NDUFA11: variants seen among roughly 807,000 people sequenced by gnomAD.
NDUFA11 encodes NADH:ubiquinone oxidoreductase subunit A11.
NDUFA11 carries 14 observed loss-of-function variants against 11.3 expected under a neutral mutation model. The ratio of observed to expected loss-of-function variants is 1.24; its 90% CI spans 0.82 to 1.94. The LOEUF is 1.94. NDUFA11 is among the 30% of genes most tolerant of loss of function. The pLI, the probability that NDUFA11 is intolerant of heterozygous loss-of-function variation, is 0.00. For missense variants in NDUFA11, 204 were observed against 200.3 expected (o/e 1.02, Z -0.11); for synonymous variants, 87 against 85.6 (o/e 1.02, Z -0.09).
At chr19:5,895,342 C>A (rs918018370) in intron 3 of NDUFA11, 1 of 169,152 alleles carries the variant, frequency 5.9e-6, no homozygotes, top group African/African-American at 2.4e-5. Flanking sequence ...TGTGTCCCCA[C>A]ACACCAGGAC....
chr19:5,896,926 C>G lies in NDUFA11; in HGVS notation c.169G>C (p.Gly57Arg). ...GTFLEGVAKVGQYTFTAAAVG... is the reference protein window; with the variant it reads ...GTFLEGVAKVRQYTFTAAAVG... ...TCACCTGCAGTGAACGTGTATTGTC[C>G]AACCTTAGCCACTCCTTCAAGGAAG... Residue 57 changes from glycine (G) to arginine (R), a missense_variant, in exon 2 of 4, where the codon GGA (glycine) becomes CGA (arginine). Gly to Arg is a moderately radical substitution (Grantham distance 125). Transcript: ENST00000308961. This position sits in a 1 kb window ranked among gnomAD's most constrained non-coding sequence, Gnocchi z 5.8. 1 of 1,614,002 alleles carries G rather than the reference C, an allele frequency of 6.2e-7. No individual in the cohort carries two copies. Among genetic ancestry groups the G allele is most frequent in the Non-Finnish European group, 8.5e-7 (1 of 1,180,000 alleles).
In NDUFA11 at chr19:5,899,771, A is replaced by T. The variant is rs73548350; in HGVS notation, c.98-2774T>A. 371 of 152,152 alleles carry T rather than the reference A, an allele frequency of 2.4e-3. 2 individuals carry two copies. The highest frequency in any genetic ancestry group is 8.6e-3 in the African/African-American group (355 of 41,476). 9.4% of individuals were successfully genotyped at this position (152,152 alleles called of 1,614,324 possible). A position where few individuals can be genotyped will look rare whatever the true frequency, so the allele number is the denominator to read the frequency against. Reference sequence around the variant, plus strand: ...CCTGAGCAACCATGCCCGGACTTGAAGATTCTTAATGGGAGGGGACTGCCA... The same window carrying T: ...CCTGAGCAACCATGCCCGGACTTGATGATTCTTAATGGGAGGGGACTGCCA... On this transcript the variant is annotated intron_variant, in intron 1 of 3. Transcript: ENST00000308961.
intron 1 of NDUFA11, 130 bp from the exon 2 acceptor site, chr19:5,897,127 G>C (rs558757650): frequency 2.6e-6 from 2 of 773,548 alleles, no homozygotes; most frequent in Non-Finnish European, 4.5e-6. Flanking sequence ...TAGTGTCCCC[G>C]GCTGCTGAGT....
At chr19:5,898,965 T>C (rs1364531209) in intron 1 of NDUFA11, among the ~76,000 whole-genome samples, 2 of 150,476 alleles carry the variant, frequency 1.3e-5, no homozygotes, top group East Asian at 3.9e-4. Flanking sequence ...TGCTACTGCA[T>C]CCACGGTAAG....
intron 1 of NDUFA11, among the ~76,000 whole-genome samples, chr19:5,903,048 G>A (rs1377439831): frequency 6.7e-6 from 1 of 149,390 alleles, no homozygotes; most frequent in African/African-American, 2.5e-5. Flanking sequence ...CAGGGCTTGC[G>A]GGTCCCCTTC....
In NDUFA11 at chr19:5,896,532, G is replaced by A. The variant is rs1345378776; in HGVS notation, c.234C>T (p.Ala78=). 6.4e-7 allele frequency: 1 copy of A among 1,569,632 alleles called. No individual in the cohort carries two copies. Among genetic ancestry groups the A allele is most frequent in the Non-Finnish European group, 8.6e-7 (1 of 1,157,892 alleles). ...AVFGLTTCIS[A]HVREKPDDPL... ...GGTCGTCGGGCTTCTCGCGGACATGGGCGCTGATGCAGGTGGTGAGGCCAA... is the reference window on the plus strand; with the variant it reads ...GGTCGTCGGGCTTCTCGCGGACATGAGCGCTGATGCAGGTGGTGAGGCCAA... Residue 78 remains alanine, a synonymous_variant, in exon 3 of 4, where the codon GCC becomes GCT. Coordinates refer to ENST00000308961, the MANE Select transcript of NDUFA11 (RefSeq NM_175614.5). This position sits in a 1 kb window ranked among gnomAD's most constrained non-coding sequence, Gnocchi z 5.8.
chr19:5,892,720 C>T (rs2057584969), downstream of NDUFA11: 3 of 692,714 alleles, frequency 4.3e-6, no homozygotes, highest in East Asian at 3.1e-5. Context: ...GTGGGCGCTG[C>T]CCCCTGCCGG....
Position 5,896,662 on chromosome 19 carries a change from G to C in NDUFA11, c.191-87C>G, listed in dbSNP as rs1342608427. 2.0e-6 allele frequency: 3 copies of C among 1,537,378 alleles called. No homozygotes were observed. The highest frequency in any genetic ancestry group is 4.9e-5 in the East Asian group (2 of 40,894). ...CTCACTGCCAGTGTCTGGATGGAGA[G>C]AGATGCCACGAGTCGGCTGCTCGCT... is the stretch of plus-strand genomic sequence containing the variant. On this transcript the variant is annotated intron_variant, in intron 2 of 3. Transcript: ENST00000308961. This position sits in a 1 kb window ranked among gnomAD's most constrained non-coding sequence, Gnocchi z 5.8.
chr19:5,894,934 C>G (rs2057598605), intron 3 of NDUFA11, 80 bp from the exon 4 acceptor site: 1 of 1,474,138 alleles, frequency 6.8e-7, no homozygotes, highest in African/African-American at 1.4e-5. Flanking sequence ...CCGGTGCCCA[C>G]CCTGGGAGCC....
chr19:5,897,904 G>A (rs2057620865), intron 1 of NDUFA11, among the ~76,000 whole-genome samples: 1 of 152,090 alleles, frequency 6.6e-6, no homozygotes, highest in South Asian at 2.1e-4. Context: ...TGGGCAGATT[G>A]AGCCAGCCCG....
intron 1 of NDUFA11, chr19:5,900,072 G>A (rs2057635453): frequency 6.6e-6 from 1 of 152,006 alleles, no homozygotes; most frequent in Non-Finnish European, 1.5e-5. Context: ...GACGAGCTGG[G>A]ACCCCCTGAT....
At chr19:5,891,898 G>A (rs1309929272), downstream of NDUFA11, 2 of 152,178 alleles carry the variant, frequency 1.3e-5, no homozygotes, top group African/African-American at 2.4e-5. Flanking sequence ...GAAGTTCAAG[G>A]TAAACTCAGG....
chr19:5,895,347 C>T (rs72989070), intron 3 of NDUFA11: 20,440 of 166,084 alleles, frequency 0.12, 1,693 homozygotes, highest in Middle Eastern at 0.19. Context: ...CCCCACACAC[C>T]AGGACCTAAA....
rs8104775 is a variant in NDUFA11 at position 5,897,531 on chromosome 19, G to C, written c.98-534C>G. Among the ~76,000 whole-genome samples, 1,288 of 152,160 alleles carry C rather than the reference G, an allele frequency of 8.5e-3. 26 individuals carry two copies. The highest frequency in any genetic ancestry group is 0.029 in the African/African-American group (1,220 of 41,512). On this transcript the variant is annotated intron_variant, in intron 1 of 3. Coordinates refer to ENST00000308961, the MANE Select transcript of NDUFA11 (RefSeq NM_175614.5). ...TGGCAGTGGCTCTGCTTCCCTGCCT[G>C]GCTGCCAACGCCTCCTCCTTGCCAC...
At chr19:5,893,868 G>A (rs954688327), downstream of NDUFA11, among the ~76,000 whole-genome samples, 4 of 152,302 alleles carry the variant, frequency 2.6e-5, no homozygotes, top group East Asian at 1.9e-4. The surrounding 1 kb of genome is among the most constrained non-coding windows in gnomAD (Gnocchi z 4.1). Flanking sequence ...TGCTGTCCCC[G>A]GCCCACCAGC....
At position 5,896,198 on chromosome 19, in the gene NDUFA11, G is replaced by A. The variant is rs909002260; in HGVS notation, c.313+255C>T. On this transcript the variant is annotated intron_variant, in intron 3 of 3. Coordinates refer to ENST00000308961, the MANE Select transcript of NDUFA11 (RefSeq NM_175614.5). The surrounding 1 kb of genome is among the most constrained non-coding windows in gnomAD (Gnocchi z 5.8). ...CAGGACTGTACCTGGCATGTGGGAG[G>A]AGCAGTGAGGAGGCCCGTGTGGCTG... is the stretch of plus-strand genomic sequence containing the variant. 1.0e-5 allele frequency: 6 copies of A among 598,836 alleles called. No individual in the cohort carries two copies. The highest frequency in any genetic ancestry group is 1.5e-5 in the Non-Finnish European group (5 of 337,308). The allele number at this position is 598,836 out of a possible 1,614,324, so 37.1% of individuals were successfully genotyped here.
At chr19:5,897,137 T>C in intron 1 of NDUFA11, 140 bp from the exon 2 acceptor site, 2 of 736,960 alleles carry the variant, frequency 2.7e-6, no homozygotes, top group South Asian at 1.4e-5. Context: ...GGCTGCTGAG[T>C]GGCAGAGCTG....
downstream of NDUFA11, chr19:5,893,069 G>A (rs533605565): frequency 3.3e-6 from 5 of 1,536,072 alleles, no homozygotes; most frequent in Admixed American, 2.0e-5. The surrounding 1 kb of genome is among the most constrained non-coding windows in gnomAD (Gnocchi z 4.1). Context: ...GGAAGTGGAC[G>A]TGACCCTGAG....
rs2057607501 is a variant in NDUFA11 at position 5,896,260 on chromosome 19, G to A, written c.313+193C>T. On this transcript the variant is annotated intron_variant, in intron 3 of 3. Coordinates refer to ENST00000308961, the MANE Select transcript of NDUFA11 (RefSeq NM_175614.5). The surrounding 1 kb of genome is among the most constrained non-coding windows in gnomAD (Gnocchi z 5.8). ...GGAGGGGAGGGTGGGGAGGGGACAG[G>A]GCAGGTCAGGGAGGGCCACAGTAGG... The A allele has an allele frequency of 3.1e-6, 2 of 640,922 alleles. No homozygotes were observed. The highest frequency in any genetic ancestry group is 5.5e-5 in the East Asian group (2 of 36,650). 39.7% of individuals were successfully genotyped at this position (640,922 alleles called of 1,614,324 possible). A position where few individuals can be genotyped will look rare whatever the true frequency, so the allele number is the denominator to read the frequency against.
Sources: gnomAD v4.1 joint callset for allele counts (sites outside exome capture counted in the v4.1 genomes callset) on GRCh38, gnomAD v4.1.1 for gene constraint, Gnocchi (gnomAD v3.1) non-coding constraint, MANE v1.5 for transcripts, NCBI Gene and HGNC (gene_info 2026-07-23, HGNC 2026-07-21) for gene names.